The following NKAIN3 variants were observed in gnomAD, a reference collection of about 807,000 sequenced individuals.
NKAIN3 encodes sodium/potassium-transporting ATPase subunit beta-1-interacting protein 3.
In NKAIN3, 25 loss-of-function variants were observed where a neutral mutation model predicts 30.2. That is an observed-to-expected ratio of 0.83 (90% CI 0.60 to 1.16). The LOEUF (loss-of-function observed/expected upper bound fraction) is 1.16. Among genes scored for constraint, NKAIN3 ranks in the 50% most tolerant of loss-of-function variants. The pLI is 0.00. For synonymous variants in NKAIN3, 91 were observed against 89.6 expected (o/e 1.02, Z -0.09); for missense variants, 225 against 254.1 (o/e 0.89, Z 0.78).
intron 1 of NKAIN3, among the ~76,000 whole-genome samples, chr8:62,338,541 C>G (rs2129590714): frequency 6.6e-6 from 1 of 151,998 alleles, no homozygotes; most frequent in African/African-American, 2.4e-5. Flanking sequence ...ATTTTAAGGT[C>G]AGCTCTTATA....
chr8:62,786,484 A>T (rs1390559163), intron 4 of NKAIN3, among the ~76,000 whole-genome samples: 1 of 55,116 alleles, frequency 1.8e-5, no homozygotes, highest in Non-Finnish European at 3.8e-5. Flanking sequence ...TTCACTTCTC[A>T]TCTCCTCATA....
intron 4 of NKAIN3, among the ~76,000 whole-genome samples, chr8:62,822,997 A>C (rs1818897213): frequency 6.6e-6 from 1 of 152,168 alleles, no homozygotes; most frequent in Admixed American, 6.5e-5. Context: ...GTACAGTAAA[A>C]ATGTAGGTGG....
intron 6 of NKAIN3, among the ~76,000 whole-genome samples, chr8:62,957,183 G>A (rs1200199005): frequency 1.3e-5 from 2 of 151,930 alleles, no homozygotes; most frequent in Admixed American, 6.5e-5. Flanking sequence ...ACCCAGTGGG[G>A]AGTGCAGTGG....
At chr8:62,862,826 T>C (rs1163738386) in intron 4 of NKAIN3, among the ~76,000 whole-genome samples, 2 of 152,152 alleles carry the variant, frequency 1.3e-5, no homozygotes, top group African/African-American at 4.8e-5. Flanking sequence ...AAGTGTAGCT[T>C]TGGGGGCTCA....
intron 4 of NKAIN3, among the ~76,000 whole-genome samples, chr8:62,778,593 T>C (rs1000980943): frequency 2.6e-5 from 4 of 152,022 alleles, no homozygotes; most frequent in Admixed American, 1.3e-4. Context: ...CCTGGGACTC[T>C]CCCTTCAGGG....
intron 5 of NKAIN3, among the ~76,000 whole-genome samples, chr8:62,922,553 A>G (rs1822312659): frequency 6.6e-6 from 1 of 152,204 alleles, no homozygotes; most frequent in Non-Finnish European, 1.5e-5. Flanking sequence ...GTAGAAAACC[A>G]GTCCATTGTT....
intron 3 of NKAIN3, among the ~76,000 whole-genome samples, chr8:62,682,222 A>T (rs1031663862): frequency 6.6e-6 from 1 of 152,140 alleles, no homozygotes; most frequent in Non-Finnish European, 1.5e-5. Flanking sequence ...TCACTGGGAA[A>T]CCTAAAGATC....
intron 1 of NKAIN3, among the ~76,000 whole-genome samples, chr8:62,377,216 A>G (rs1176278416): frequency 3.3e-5 from 5 of 152,198 alleles, no homozygotes; most frequent in African/African-American, 4.8e-5. Flanking sequence ...TCTTTTAAAA[A>G]AATTCTTCCC....
intron 1 of NKAIN3, among the ~76,000 whole-genome samples, chr8:62,415,428 C>T (rs1044944212): frequency 1.3e-5 from 2 of 149,766 alleles, no homozygotes; most frequent in Non-Finnish European, 3.0e-5. Flanking sequence ...TTAGCATCAT[C>T]ATCATCAATT....
In NKAIN3 at chr8:62,576,788, A is replaced by G. The variant is rs537098864; in HGVS notation, c.55-2751A>G. Among the ~76,000 whole-genome samples the G allele has an allele frequency of 5.3e-5, 8 of 152,266 alleles. No individual in the cohort carries two copies. The South Asian group carries it at 8.3e-4, about 16-fold the overall frequency. ...TAGCATCTCCCCAACACCACAGATT[A>G]GAGCCATTTTAACAGAGATATTTCT... is the stretch of plus-strand genomic sequence containing the variant. On this transcript the variant is annotated intron_variant, in intron 1 of 6. Coordinates refer to ENST00000623646, the MANE Select transcript of NKAIN3 (RefSeq NM_001304533.3).
At chr8:62,289,340 TG>T (rs941841127) in intron 1 of NKAIN3, among the ~76,000 whole-genome samples, 1 of 152,222 alleles carries the variant, frequency 6.6e-6, no homozygotes, top group Non-Finnish European at 1.5e-5. Context: ...TGAATGGTAT[TG>T]CCTAGGTTTT....
At chr8:62,993,626 G>A (rs1804030794) in intron 5 of NKAIN3, among the ~76,000 whole-genome samples, 1 of 152,032 alleles carries the variant, frequency 6.6e-6, no homozygotes, top group African/African-American at 2.4e-5. Context: ...TGTCTCTCCA[G>A]CCTTTTTGCA....
At chr8:62,319,284 T>G (rs1365673457) in intron 1 of NKAIN3, among the ~76,000 whole-genome samples, 1 of 152,198 alleles carries the variant, frequency 6.6e-6, no homozygotes, top group Admixed American at 6.5e-5. Flanking sequence ...AAAAACCCGC[T>G]GCTGGATTCA....
At chr8:62,583,289 T>A (rs1035974315) in intron 2 of NKAIN3, among the ~76,000 whole-genome samples, 1 of 152,136 alleles carries the variant, frequency 6.6e-6, no homozygotes, top group Non-Finnish European at 1.5e-5. Flanking sequence ...CTCCCTCCTA[T>A]GCGTAGAGGA....
intron 1 of NKAIN3, among the ~76,000 whole-genome samples, chr8:62,383,015 A>G (rs1388238554): frequency 6.6e-6 from 1 of 152,106 alleles, no homozygotes; most frequent in Non-Finnish European, 1.5e-5. Context: ...ATAGTGTACC[A>G]TGTTTAATGA....
At chr8:62,887,146 A>T (rs1055651503) in intron 4 of NKAIN3, among the ~76,000 whole-genome samples, 3 of 152,204 alleles carry the variant, frequency 2.0e-5, no homozygotes, top group African/African-American at 7.2e-5. Flanking sequence ...TGAACACTAA[A>T]TATTTCACTT....
In NKAIN3 at chr8:62,557,772, A is replaced by G. The variant is rs143715874; in HGVS notation, c.55-21767A>G. ...TGGAATTGTTTGTTTATGTCTTGCT[A>G]TTTTGTTTGAGTTCGTTGTACATTC... On this transcript the variant is annotated intron_variant, in intron 1 of 6. Transcript: ENST00000623646. Among the ~76,000 whole-genome samples, 684 of 151,836 alleles carry G rather than the reference A, an allele frequency of 4.5e-3. 4 individuals carry two copies. Among genetic ancestry groups the G allele is most frequent in the African/African-American group, 0.016 (650 of 41,468 alleles).
intron 3 of NKAIN3, among the ~76,000 whole-genome samples, chr8:62,745,728 G>T (rs1379952773): frequency 1.3e-5 from 2 of 152,124 alleles, no homozygotes; most frequent in African/African-American, 4.8e-5. Context: ...AAAAGTTAAG[G>T]TTTGTCTTCT....
intron 5 of NKAIN3, among the ~76,000 whole-genome samples, chr8:62,953,624 T>C (rs1823343915): frequency 6.6e-6 from 1 of 152,214 alleles, no homozygotes. Context: ...AAACACATTA[T>C]TTAAAATCTC....
Sources: allele counts gnomAD v4.1 joint callset (sites outside exome capture counted in the v4.1 genomes callset), GRCh38; gene constraint gnomAD v4.1.1; transcripts MANE v1.5; gene names NCBI Gene and HGNC (gene_info 2026-07-23, HGNC 2026-07-21).